MTOR: variants seen among roughly 807,000 people sequenced by gnomAD.
MTOR encodes mechanistic target of rapamycin kinase.
MTOR carries 70 observed loss-of-function variants against 319.8 expected under a neutral mutation model. That is an observed-to-expected ratio of 0.22 (90% CI 0.18 to 0.27). MTOR has a LOEUF of 0.27. MTOR is among the 10% of genes least tolerant of loss of function. The probability of loss-of-function intolerance (pLI) is 1.00; values close to 1 mark genes in which losing one functional copy is unlikely to be tolerated. For synonymous variants in MTOR, 1,183 were observed against 1,211.4 expected (o/e 0.98, Z 0.49); for missense variants, 1,890 against 3,274.4 (o/e 0.58, Z 10.32).
chr1:11,194,478 G>A (rs748136366), intron 28 of MTOR: 6 of 1,614,080 alleles, frequency 3.7e-6, no homozygotes, highest in Non-Finnish European at 5.1e-6. Context: ...AGGGCAACCT[G>A]CGCTACGCTG....
At chr1:11,186,853 G>A (rs564517387) in intron 28 of MTOR, among the ~76,000 whole-genome samples, 1 of 152,020 alleles carries the variant, frequency 6.6e-6, no homozygotes, top group South Asian at 2.1e-4. Context: ...CTCAAAACTG[G>A]AGGGGGGGTG....
chr1:11,141,219 G>A (rs976453838), intron 34 of MTOR, among the ~76,000 whole-genome samples: 17 of 151,978 alleles, frequency 1.1e-4, no homozygotes, highest in Non-Finnish European at 7.4e-5. Flanking sequence ...AGGTTCAAGC[G>A]ATCCTCCCGC....
At chr1:11,204,335 A>ACCTAAAGATTAGGTTACTT in intron 26 of MTOR, among the ~76,000 whole-genome samples, 2 of 152,350 alleles carry the variant, frequency 1.3e-5, no homozygotes, top group South Asian at 4.1e-4. Context: ...TGTAATTAAA[A>ACCTAAAGATTAGGTTACTT]TGTTAGACCT....
rs755656858 is a variant in MTOR at position 11,109,742 on chromosome 1, A to G, written c.7367-13T>C. The G allele has an allele frequency of 6.2e-6, 10 of 1,612,724 alleles. No individual in the cohort carries two copies. The highest frequency in any genetic ancestry group is 3.3e-5 in the Admixed American group (2 of 59,986). On this transcript the variant is annotated splice_polypyrimidine_tract_variant and intron_variant, in intron 54 of 57. Coordinates refer to ENST00000361445, the MANE Select transcript of MTOR (RefSeq NM_004958.4). This position sits in a 1 kb window ranked among gnomAD's most constrained non-coding sequence, Gnocchi z 4.0. ...CCGTCCAAAATTTCTATGGGAAAAG[A>G]AATCAATTAACAGAAAATTCAAACA... is the stretch of plus-strand genomic sequence containing the variant.
intron 39 of MTOR, among the ~76,000 whole-genome samples, chr1:11,130,108 C>T (rs1403653799): frequency 6.6e-6 from 1 of 152,190 alleles, no homozygotes; most frequent in Non-Finnish European, 1.5e-5. Flanking sequence ...ACACCCGGAT[C>T]TCTGGGCCTG....
intron 25 of MTOR, among the ~76,000 whole-genome samples, chr1:11,208,470 GAC>G (rs1646210335): frequency 6.6e-6 from 1 of 152,246 alleles, no homozygotes; most frequent in Admixed American, 6.5e-5. Flanking sequence ...AGTCAGCTAG[GAC>G]ACAGTCTTGC....
In MTOR at chr1:11,128,369, G is replaced by C; in HGVS notation, c.5910+85C>G. 1.4e-6 allele frequency: 2 copies of C among 1,415,504 alleles called. No homozygotes were observed. The highest frequency in any genetic ancestry group is 2.0e-6 in the Non-Finnish European group (2 of 1,007,538). 87.7% of individuals were successfully genotyped at this position (1,415,504 alleles called of 1,614,324 possible). ...ATGGAACACATGGCTCCCAGTTCCT[G>C]CGCTTGTGTCGCCAGGGCAGCTTTT... On this transcript the variant is annotated intron_variant, in intron 42 of 57. Transcript: ENST00000361445. This position sits in a 1 kb window ranked among gnomAD's most constrained non-coding sequence, Gnocchi z 5.3.
chr1:11,203,330 T>C (rs1035413944), intron 26 of MTOR, among the ~76,000 whole-genome samples: 2 of 152,242 alleles, frequency 1.3e-5, no homozygotes, highest in African/African-American at 4.8e-5. Context: ...ATTATATGAA[T>C]GTATCGAAAT....
chr1:11,110,950 T>C (rs1255074952), intron 54 of MTOR, among the ~76,000 whole-genome samples: 2 of 152,110 alleles, frequency 1.3e-5, no homozygotes, highest in Non-Finnish European at 2.9e-5. Flanking sequence ...CACTTGAGAA[T>C]TGTTAGGGAG....
chr1:11,151,555 C>T (rs1251075978), intron 30 of MTOR, among the ~76,000 whole-genome samples: 1 of 152,168 alleles, frequency 6.6e-6, no homozygotes, highest in East Asian at 1.9e-4. Flanking sequence ...CTGGGCTCCA[C>T]CCTCTGAGTT....
At chr1:11,153,680 C>A (rs1644223197) in intron 30 of MTOR, among the ~76,000 whole-genome samples, 1 of 152,144 alleles carries the variant, frequency 6.6e-6, no homozygotes, top group Non-Finnish European at 1.5e-5. Context: ...TCTATGTGCA[C>A]TGTCCAATAC....
At chr1:11,151,297 TC>T (rs553808962) in intron 30 of MTOR, among the ~76,000 whole-genome samples, 72 of 152,154 alleles carry the variant, frequency 4.7e-4, no homozygotes, top group African/African-American at 1.7e-3. Flanking sequence ...TGGCACATGA[TC>T]AAGAAAACCA....
chr1:11,243,896 C>A (rs1183021855), intron 8 of MTOR, among the ~76,000 whole-genome samples: 1 of 152,022 alleles, frequency 6.6e-6, no homozygotes, highest in Non-Finnish European at 1.5e-5. Flanking sequence ...CAGTGTCTCA[C>A]ACATGTAATC....
chr1:11,244,361 G>A (rs181336389), intron 8 of MTOR, among the ~76,000 whole-genome samples: 2 of 150,450 alleles, frequency 1.3e-5, no homozygotes, highest in African/African-American at 2.4e-5. Context: ...GGTCGGGCGC[G>A]GTGGCTCACG....
chr1:11,153,763 T>A (rs971201055), intron 30 of MTOR, among the ~76,000 whole-genome samples: 1 of 152,060 alleles, frequency 6.6e-6, no homozygotes, highest in African/African-American at 2.4e-5. Flanking sequence ...TTTCACATTT[T>A]ATTTAATTTA....
chr1:11,177,599 T>G (rs569364222), intron 28 of MTOR, among the ~76,000 whole-genome samples: 1 of 151,846 alleles, frequency 6.6e-6, no homozygotes, highest in South Asian at 2.1e-4. Context: ...AGGCTCAGAG[T>G]GGCCTAAAAA....
At chr1:11,175,663 A>G (rs17036444) in intron 28 of MTOR, among the ~76,000 whole-genome samples, 7,772 of 152,006 alleles carry the variant, frequency 0.051, 269 homozygotes, top group South Asian at 0.12. Context: ...AGGCCCTGTC[A>G]GGAGTGACGG....
At chr1:11,252,348 G>C (rs913931803) in intron 6 of MTOR, among the ~76,000 whole-genome samples, 6 of 151,664 alleles carry the variant, frequency 4.0e-5, no homozygotes, top group Non-Finnish European at 8.8e-5. Context: ...TTTTGCCCAG[G>C]CTGGTCACGA....
intron 28 of MTOR, among the ~76,000 whole-genome samples, chr1:11,180,578 A>C (rs1366234034): frequency 6.6e-6 from 1 of 152,086 alleles, no homozygotes; most frequent in Non-Finnish European, 1.5e-5. Context: ...ACCCAAAGAG[A>C]AGCTCTGTAG....
Sources: gnomAD v4.1 joint callset for allele counts (sites outside exome capture counted in the v4.1 genomes callset) on GRCh38, gnomAD v4.1.1 for gene constraint, Gnocchi (gnomAD v3.1) non-coding constraint, MANE v1.5 for transcripts, NCBI Gene and HGNC (gene_info 2026-07-23, HGNC 2026-07-21) for gene names.